NRG1: variants seen among roughly 807,000 people sequenced by gnomAD.
NRG1 encodes pro-neuregulin-1, membrane-bound isoform.
In NRG1, 18 loss-of-function variants were observed where a neutral mutation model predicts 63.8. The observed-to-expected ratio is 0.28, with a 90% CI of 0.19 to 0.42. The LOEUF is 0.42. NRG1 is among the 10% of genes least tolerant of loss of function. The probability of loss-of-function intolerance (pLI) is 1.00; values close to 1 mark genes in which losing one functional copy is unlikely to be tolerated. For synonymous variants in NRG1, 302 were observed against 301.3 expected, an observed-to-expected ratio of 1.00 and a Z score of -0.02; for missense variants, 762 against 814.7, an observed-to-expected ratio of 0.94 and a Z score of 0.79.
chr8:32,341,515 G>A (rs552064809), intron 1 of NRG1, among the ~76,000 whole-genome samples: 87 of 152,322 alleles, frequency 5.7e-4, no homozygotes, highest in Admixed American at 7.8e-4. Flanking sequence ...CAGGTTTGAG[G>A]TTCCTGCTGT....
chr8:31,980,088 A>C (rs1290490465), intron 1 of NRG1, among the ~76,000 whole-genome samples: 1 of 152,060 alleles, frequency 6.6e-6, no homozygotes, highest in Non-Finnish European at 1.5e-5. Context: ...CTGAGAAGTA[A>C]CTCAGCCAAG....
At chr8:32,346,552 G>GAA (rs33990661) in intron 1 of NRG1, among the ~76,000 whole-genome samples, 35 of 147,570 alleles carry the variant, frequency 2.4e-4, no homozygotes, top group Non-Finnish European at 4.3e-4. Flanking sequence ...CATCTTTTGG[G>GAA]AAAAAAAAAA....
At position 32,630,400 on chromosome 8, in the gene NRG1, A is replaced by G. The variant is rs189606344; in HGVS notation, c.502+13515A>G. On this transcript the variant is annotated intron_variant, in intron 5 of 11. Coordinates refer to ENST00000356819, the Ensembl canonical transcript of NRG1. ...TGGATAATTTAAAAATAATGCCACA[A>G]ACTTCATCCCATCTACCTCCCAGTG... Among the ~76,000 whole-genome samples the G allele has an allele frequency of 1.8e-3, 278 of 152,318 alleles. 1 individual carries two copies. The highest frequency in any genetic ancestry group is 1.7e-3 in the South Asian group (8 of 4,820).
chr8:32,374,217 C>T (rs182221205), intron 1 of NRG1, among the ~76,000 whole-genome samples: 2 of 152,242 alleles, frequency 1.3e-5, no homozygotes, highest in African/African-American at 2.4e-5. Flanking sequence ...TTCCCAAGTG[C>T]CTATTAGAGG....
intron 11 of NRG1, among the ~76,000 whole-genome samples, chr8:32,761,487 A>G (rs182928906): frequency 6.6e-6 from 1 of 152,264 alleles, no homozygotes; most frequent in African/African-American, 2.4e-5. Context: ...TTCCTTCAAA[A>G]TGATATTTTA....
chr8:32,502,529 C>G (rs1338483353), intron 1 of NRG1, among the ~76,000 whole-genome samples: 39 of 134,940 alleles, frequency 2.9e-4, no homozygotes, highest in Non-Finnish European at 6.4e-5. Flanking sequence ...ATGTAAGATT[C>G]TCTCTCTCTT....
chr8:32,564,372 C>G lies in NRG1; in HGVS notation c.100+15546C>G, dbSNP rs538123324. On this transcript the variant is annotated intron_variant, in intron 1 of 11. Transcript: ENST00000356819. ...AAGAATCAATCCCACTTTTTTTTCT[C>G]TTTCCCTGTGGCTCAACTCCAGGAA... 4.6e-5 allele frequency among the ~76,000 whole-genome samples: 7 copies of G among 152,048 alleles called. 2 individuals are homozygous for G. In the South Asian group the frequency reaches 1.2e-3, roughly 27 times the overall value.
intron 1 of NRG1, among the ~76,000 whole-genome samples, chr8:31,866,038 C>T (rs1224419026): frequency 1.3e-5 from 2 of 152,184 alleles, no homozygotes; most frequent in Non-Finnish European, 2.9e-5. Context: ...CGGTTCTTGT[C>T]TCAGCCCTTC....
intron 1 of NRG1, among the ~76,000 whole-genome samples, chr8:31,808,503 A>G (rs908275898): frequency 6.6e-6 from 1 of 152,012 alleles, no homozygotes; most frequent in African/African-American, 2.4e-5. Context: ...TTTTTAATAC[A>G]TCTTTTCTCC....
intron 1 of NRG1, among the ~76,000 whole-genome samples, chr8:32,105,594 A>T (rs373401183): frequency 6.8e-4 from 103 of 152,228 alleles, no homozygotes; most frequent in African/African-American, 2.4e-3. Context: ...ACACAGCTAA[A>T]CCATATCAGT....
intron 1 of NRG1, among the ~76,000 whole-genome samples, chr8:32,310,672 C>T (rs1856717305): frequency 6.6e-6 from 1 of 152,144 alleles, no homozygotes; most frequent in African/African-American, 2.4e-5. Flanking sequence ...AGAGAATGAG[C>T]ACGGGAATAA....
chr8:32,543,962 C>A (rs890073658), upstream of NRG1, among the ~76,000 whole-genome samples: 2 of 152,160 alleles, frequency 1.3e-5, no homozygotes, highest in African/African-American at 4.8e-5. Context: ...ACACACAGGA[C>A]AATCGCAAAT....
At chr8:32,160,140 C>G (rs557641016) in intron 1 of NRG1, among the ~76,000 whole-genome samples, 2 of 152,158 alleles carry the variant, frequency 1.3e-5, no homozygotes, top group African/African-American at 4.8e-5. Flanking sequence ...ATTCAGATCC[C>G]GAGTGCAGGT....
chr8:31,994,709 G>A, intron 1 of NRG1, among the ~76,000 whole-genome samples: 1 of 138,210 alleles, frequency 7.2e-6, no homozygotes, highest in South Asian at 2.5e-4. Context: ...TGAAGAAGCT[G>A]CTTGGTAATA....
intron 1 of NRG1, among the ~76,000 whole-genome samples, chr8:32,002,796 A>G (rs1219213644): frequency 6.6e-6 from 1 of 152,128 alleles, no homozygotes; most frequent in African/African-American, 2.4e-5. Context: ...ATATTTCTAT[A>G]TGTAAACTTC....
chr8:32,242,578 A>G (rs1375488452), intron 1 of NRG1, among the ~76,000 whole-genome samples: 1 of 152,186 alleles, frequency 6.6e-6, no homozygotes, highest in Non-Finnish European at 1.5e-5. Context: ...GAAGGAGGGT[A>G]GAGATGACTG....
At chr8:32,336,117 C>T (rs774777526) in intron 1 of NRG1, among the ~76,000 whole-genome samples, 3 of 152,242 alleles carry the variant, frequency 2.0e-5, no homozygotes, top group Non-Finnish European at 2.9e-5. Flanking sequence ...GGTCAGACTT[C>T]ACACAACAAG....
intron 7 of NRG1, chr8:32,749,542 C>T (rs777338962): frequency 1.2e-6 from 2 of 1,612,986 alleles, no homozygotes; most frequent in South Asian, 2.2e-5. Context: ...TTTTTTTTGT[C>T]AACTTTCTGC....
At chr8:32,697,825 G>A (rs944858711) in intron 5 of NRG1, among the ~76,000 whole-genome samples, 5 of 152,182 alleles carry the variant, frequency 3.3e-5, no homozygotes, top group African/African-American at 9.7e-5. Flanking sequence ...TCTGGATTAT[G>A]GCTTAGACTT....
Sources: allele counts gnomAD v4.1 joint callset (sites outside exome capture counted in the v4.1 genomes callset), GRCh38; gene constraint gnomAD v4.1.1; transcripts MANE v1.5; gene names NCBI Gene and HGNC (gene_info 2026-07-23, HGNC 2026-07-21).